RBMS1: variants seen among roughly 807,000 people sequenced by gnomAD.
The protein encoded by RBMS1 is RNA binding motif single stranded interacting protein 1.
In RBMS1, 17 loss-of-function variants were observed where a neutral mutation model predicts 62.3. That is an observed-to-expected ratio of 0.27 (90% CI 0.19 to 0.41). RBMS1 has a LOEUF of 0.41. Among genes scored for constraint, RBMS1 ranks in the 10% least tolerant of loss-of-function variants. The pLI is 1.00. For synonymous variants in RBMS1, 172 were observed against 170.0 expected, an observed-to-expected ratio of 1.01 and a Z score of -0.09; for missense variants, 334 against 504.5, an observed-to-expected ratio of 0.66 and a Z score of 3.24.
intron 1 of RBMS1, among the ~76,000 whole-genome samples, chr2:160,378,610 C>G (rs1484002336): frequency 7.4e-6 from 1 of 134,314 alleles, no homozygotes; most frequent in Non-Finnish European, 1.6e-5. Context: ...AAGTAAGACT[C>G]TATCTATAAA....
chr2:160,429,206 A>C (rs1682780577), intron 1 of RBMS1, among the ~76,000 whole-genome samples: 2 of 152,246 alleles, frequency 1.3e-5, no homozygotes, highest in Admixed American at 1.3e-4. Context: ...TTTGCACTTT[A>C]AAGTTAACAG....
intron 2 of RBMS1, among the ~76,000 whole-genome samples, chr2:160,343,990 T>C (rs1347352064): frequency 1.3e-5 from 2 of 152,162 alleles, no homozygotes. Context: ...TGGCCAAATA[T>C]AACATCTTCA....
intron 6 of RBMS1, among the ~76,000 whole-genome samples, chr2:160,295,994 C>T (rs1688915360): frequency 6.6e-6 from 1 of 152,160 alleles, no homozygotes; most frequent in Admixed American, 6.5e-5. Context: ...GTGGAATAGT[C>T]CCTTCAAAGG....
chr2:160,493,046 T>C (rs1685915792), intron 1 of RBMS1: 2 of 451,874 alleles, frequency 4.4e-6, no homozygotes, highest in Non-Finnish European at 7.8e-6. Flanking sequence ...CTGGTGGCTC[T>C]TTCCTGTCTA....
intron 2 of RBMS1, among the ~76,000 whole-genome samples, chr2:160,330,627 T>G (rs76227670): frequency 0.05 from 7,642 of 152,064 alleles, 312 homozygotes; most frequent in South Asian, 0.19. Context: ...TGTTTTTTTT[T>G]TTTGTTTGTT....
intron 1 of RBMS1, chr2:160,493,032 G>A: frequency 2.4e-6 from 1 of 419,642 alleles, no homozygotes; most frequent in South Asian, 4.4e-5. Context: ...GGGCCAGGAA[G>A]GGGCTGGTGG....
At chr2:160,479,336 G>T (rs1685268902) in intron 1 of RBMS1, among the ~76,000 whole-genome samples, 1 of 152,238 alleles carries the variant, frequency 6.6e-6, no homozygotes, top group Non-Finnish European at 1.5e-5. Flanking sequence ...TTAGACACAT[G>T]AGAGCAAGGC....
intron 1 of RBMS1, among the ~76,000 whole-genome samples, chr2:160,414,252 C>T (rs77471512): frequency 0.019 from 2,909 of 152,298 alleles, 54 homozygotes; most frequent in South Asian, 0.061. Context: ...CTAAATCTCA[C>T]TTCACTGATG....
At chr2:160,335,500 A>G (rs1338172369) in intron 2 of RBMS1, among the ~76,000 whole-genome samples, 1 of 152,226 alleles carries the variant, frequency 6.6e-6, no homozygotes, top group African/African-American at 2.4e-5. Context: ...AGTGACAATC[A>G]ATTTCATAAG....
chr2:160,275,745 A>G, intron 12 of RBMS1, 31 bp from the exon 13 acceptor site: 5 of 1,613,066 alleles, frequency 3.1e-6, no homozygotes, highest in Non-Finnish European at 4.2e-6. Flanking sequence ...TGGATGAGAC[A>G]TGTTAGTGAA....
chr2:160,315,659 A>G (rs113800661), intron 3 of RBMS1, among the ~76,000 whole-genome samples: 4 of 152,330 alleles, frequency 2.6e-5, no homozygotes, highest in South Asian at 2.1e-4. Flanking sequence ...GCTAATGTGT[A>G]TAAGTATTCT....
At chr2:160,334,310 GCAGT>G (rs1260091817) in intron 2 of RBMS1, among the ~76,000 whole-genome samples, 1 of 152,170 alleles carries the variant, frequency 6.6e-6, no homozygotes, top group Non-Finnish European at 1.5e-5. Context: ...GAATATGTGG[GCAGT>G]CAGAGTAAAA....
intron 1 of RBMS1, among the ~76,000 whole-genome samples, chr2:160,490,484 T>C (rs1388768861): frequency 6.6e-6 from 1 of 152,114 alleles, no homozygotes; most frequent in Non-Finnish European, 1.5e-5. Context: ...CTTTTTCTAA[T>C]GATTTTTTTT....
intron 6 of RBMS1, among the ~76,000 whole-genome samples, chr2:160,294,566 A>G (rs1170209384): frequency 6.6e-6 from 1 of 152,186 alleles, no homozygotes; most frequent in Non-Finnish European, 1.5e-5. Context: ...CACAGCTAGG[A>G]TGAGTTCATT....
At chr2:160,311,253 T>TCTATATATATATATATATAG (rs1689894866) in intron 4 of RBMS1, among the ~76,000 whole-genome samples, 1 of 142,840 alleles carries the variant, frequency 7.0e-6, no homozygotes, top group African/African-American at 2.5e-5. Flanking sequence ...TATATATATA[T>TCTATATATATATATATATAG]ATATAGTCTG....
rs1431362089 is a variant in RBMS1 at position 160,272,566 on chromosome 2, T to C, written c.*2206A>G. ...TAGTTCAGACATTTCTAGCAGCAGATTTCCCCTCCCCTCTAACCGAGCTAT... is the reference window on the plus strand; with the variant it reads ...TAGTTCAGACATTTCTAGCAGCAGACTTCCCCTCCCCTCTAACCGAGCTAT... On this transcript the variant is annotated 3_prime_UTR_variant, in exon 14 of 14. Coordinates refer to ENST00000348849, the MANE Select transcript of RBMS1 (RefSeq NM_016836.4). 2 of 152,030 alleles carry C rather than the reference T, an allele frequency of 1.3e-5. No homozygotes were observed. The highest frequency in any genetic ancestry group is 4.8e-5 in the African/African-American group (2 of 41,366). 9.4% of individuals were successfully genotyped at this position (152,030 alleles called of 1,614,324 possible). A position where few individuals can be genotyped will look rare whatever the true frequency, so the allele number is the denominator to read the frequency against.
intron 1 of RBMS1, among the ~76,000 whole-genome samples, chr2:160,463,897 T>A (rs1684573707): frequency 6.6e-6 from 1 of 152,254 alleles, no homozygotes; most frequent in Non-Finnish European, 1.5e-5. Context: ...TTTTGTTTAT[T>A]ATGTGGTCTG....
chr2:160,295,444 A>G (rs1688886404), intron 6 of RBMS1, among the ~76,000 whole-genome samples: 1 of 152,218 alleles, frequency 6.6e-6, no homozygotes, highest in African/African-American at 2.4e-5. Flanking sequence ...GCACAAAATT[A>G]AGTGCTAATT....
At chr2:160,327,653 G>C (rs4664013) in intron 2 of RBMS1, among the ~76,000 whole-genome samples, 100,737 of 151,998 alleles carry the variant, frequency 0.66, 34,080 homozygotes, top group East Asian at 0.8. Flanking sequence ...ATTTTTACCA[G>C]AAGTCACTGT....
Sources: allele counts gnomAD v4.1 joint callset (sites outside exome capture counted in the v4.1 genomes callset), GRCh38; gene constraint gnomAD v4.1.1; transcripts MANE v1.5; gene names NCBI Gene and HGNC (gene_info 2026-07-23, HGNC 2026-07-21).